MOCOS: variants seen among roughly 807,000 people sequenced by gnomAD.
MOCOS encodes human molybdenum cofactor sulfurase.
A neutral mutation model predicts 83.6 loss-of-function variants in MOCOS; 86 were observed. The ratio of observed to expected loss-of-function variants is 1.03; its 90% CI spans 0.86 to 1.23. The LOEUF (loss-of-function observed/expected upper bound fraction) is 1.23, where lower values mean the gene tolerates loss of function less well. MOCOS is among the 50% of genes most tolerant of loss of function. MOCOS has a pLI of 0.00. For synonymous variants in MOCOS, 445 were observed against 434.7 expected, an observed-to-expected ratio of 1.02 and a Z score of -0.29; for missense variants, 1,120 against 1,126.9, an observed-to-expected ratio of 0.99 and a Z score of 0.09.
intron 7 of MOCOS, 31 bp downstream of exon 7, chr18:36,213,513 G>C: frequency 6.3e-7 from 1 of 1,576,200 alleles, no homozygotes; most frequent in East Asian, 2.2e-5. Flanking sequence ...TCCAGACGCT[G>C]GTCAGCGAGA....
chr18:36,233,110 T>A (rs764529294), intron 9 of MOCOS, among the ~76,000 whole-genome samples: 3 of 152,158 alleles, frequency 2.0e-5, no homozygotes, highest in Non-Finnish European at 4.4e-5. Context: ...TCTGAGATTT[T>A]GGTGTACTCA....
At chr18:36,261,898 G>T (rs1244354542) in intron 13 of MOCOS, among the ~76,000 whole-genome samples, 2 of 152,088 alleles carry the variant, frequency 1.3e-5, no homozygotes, top group Non-Finnish European at 2.9e-5. Context: ...AATAGGTGGA[G>T]AGTGAGAGGA....
chr18:36,226,891 T>TC (rs1185920336), intron 9 of MOCOS, among the ~76,000 whole-genome samples: 1 of 149,632 alleles, frequency 6.7e-6, no homozygotes, highest in African/African-American at 2.4e-5. Flanking sequence ...TGTGTATCTT[T>TC]TTTTTTTTTT....
chr18:36,225,566 T>G (rs1433230038), intron 9 of MOCOS, among the ~76,000 whole-genome samples: 3 of 152,194 alleles, frequency 2.0e-5, no homozygotes, highest in African/African-American at 7.2e-5. Context: ...TTGCAATCTT[T>G]GTTGTTTCAT....
rs773909706 is a variant in MOCOS at position 36,215,875 on chromosome 18, G to A, written c.1695G>A (p.Pro565=). The A allele has an allele frequency of 4.4e-5, 71 of 1,614,188 alleles. No homozygotes were observed. Among genetic ancestry groups the A allele is most frequent in the Admixed American group, 2.3e-4 (14 of 60,032 alleles). ...PPVCDVARTQ[P]TPSEKAAGVL... ...TGTGTGATGTCGCCAGAACCCAGCC[G>A]ACTCCTTCAGAGAAAGCTGCAGGAG... is the stretch of plus-strand genomic sequence containing the variant. Residue 565 remains proline, a synonymous_variant, in exon 8 of 15, where the codon CCG becomes CCA. Coordinates refer to ENST00000261326, the MANE Select transcript of MOCOS (RefSeq NM_017947.4).
Position 36,215,663 on chromosome 18 carries a change from G to T in MOCOS, c.1483G>T (p.Asp495Tyr), listed in dbSNP as rs8088347. 1.2e-5 allele frequency: 19 copies of T among 1,614,032 alleles called. No homozygotes were observed. The South Asian group carries it at 1.9e-4, about 16-fold the overall frequency. The change falls in exon 8 of 15, where the codon GAC becomes TAC. Residue 495 changes from aspartate to tyrosine, a missense_variant. Asp to Tyr is a radical substitution (Grantham distance 160, BLOSUM62 -3). Transcript: ENST00000261326. ...IIDTRLHSSG[D>Y]WPVPQAHADT... ...AGACACTCGCCTGCACTCATCAGGG[G>T]ACTGGCCTGTCCCTCAGGCCCATGC...
At chr18:36,249,944 T>G (rs2091615866) in intron 10 of MOCOS, among the ~76,000 whole-genome samples, 1 of 152,206 alleles carries the variant, frequency 6.6e-6, no homozygotes, top group Non-Finnish European at 1.5e-5. Context: ...TTCTAGGAAA[T>G]GTAAAGTGGG....
intron 4 of MOCOS, among the ~76,000 whole-genome samples, chr18:36,200,595 G>C (rs2091409799): frequency 6.6e-6 from 1 of 152,204 alleles, no homozygotes; most frequent in Admixed American, 6.5e-5. Flanking sequence ...GCACACAGGA[G>C]AGATAAAAGG....
rs201251931 is a variant in MOCOS, at chr18:36,200,035, G to A, written c.652G>A (p.Glu218Lys). ...CAGATACCCCCTGTCCTGGATAGAA[G>A]AGGTCAAGTCTGGGCGGTTGCACCC... ...GVRYPLSWIEEVKSGRLHPVS... is the reference protein window; with the variant it reads ...GVRYPLSWIEKVKSGRLHPVS... The change falls in exon 4 of 15, where the codon GAG (glutamate) becomes AAG (lysine). Residue 218 changes from glutamate (E) to lysine (K), a missense_variant. By Grantham distance (56) the Glu-to-Lys change is moderately conservative (BLOSUM62 1). Coordinates refer to ENST00000261326, the MANE Select transcript of MOCOS (RefSeq NM_017947.4). The A allele has an allele frequency of 8.1e-6, 13 of 1,614,240 alleles. No homozygotes were observed. In the East Asian group the frequency reaches 2.0e-4, roughly 25 times the overall value.
chr18:36,200,922 T>C (rs557751846), intron 4 of MOCOS, among the ~76,000 whole-genome samples: 1 of 152,332 alleles, frequency 6.6e-6, no homozygotes, highest in East Asian at 1.9e-4. Flanking sequence ...GGTTGTCACT[T>C]GCCCTCAAAT....
At chr18:36,202,200 T>G (rs1165527147) in intron 4 of MOCOS, among the ~76,000 whole-genome samples, 1 of 152,242 alleles carries the variant, frequency 6.6e-6, no homozygotes, top group African/African-American at 2.4e-5. Flanking sequence ...CTTGACTATG[T>G]TCTCAACTTT....
Position 36,187,599 on chromosome 18 carries a change from C to G in MOCOS, c.60C>G (p.Asp20Glu). The G allele has an allele frequency of 1.6e-6, 2 of 1,248,568 alleles. No homozygotes were observed. The highest frequency in any genetic ancestry group is 1.5e-5 in the African/African-American group (1 of 65,020). The allele number at this position is 1,248,568 out of a possible 1,614,324, so 77.3% of individuals were successfully genotyped here. The change falls in exon 1 of 15, where the codon GAC becomes GAG. Residue 20 changes from aspartate (D) to glutamate (E), a missense_variant. Physicochemically the swap from Asp to Glu is conservative, Grantham distance 45 (BLOSUM62 2). Coordinates refer to ENST00000261326, the MANE Select transcript of MOCOS (RefSeq NM_017947.4). ...RELWTFAGSRDPSAPRLAYGY... is the reference protein window; with the variant it reads ...RELWTFAGSREPSAPRLAYGY... ...TGTGGACCTTCGCGGGTTCCCGGGA[C>G]CCGAGCGCACCGCGGCTAGCCTACG...
chr18:36,257,033 ACAT>A lies in MOCOS; in HGVS notation c.2232_2234del (p.Ser746del). ...TGAGGCACAGTATCTGCTGATCAAC[ACAT>A]CCAGTATTTTGGAACTTCACCGGCA... is the stretch of plus-strand genomic sequence containing the variant. On this transcript the variant is annotated inframe_deletion, in exon 12 of 15. Transcript: ENST00000261326. The A allele has an allele frequency of 6.2e-7, 1 of 1,614,124 alleles. No individual in the cohort carries two copies. The highest frequency in any genetic ancestry group is 8.5e-7 in the Non-Finnish European group (1 of 1,179,990).
At chr18:36,195,196 T>C (rs2091382236) in intron 1 of MOCOS, 61 bp from the exon 2 acceptor site, 9 of 1,412,502 alleles carry the variant, frequency 6.4e-6, no homozygotes, top group Non-Finnish European at 9.0e-6. Context: ...ATGACATTGG[T>C]TGGGCTTACA....
chr18:36,259,448 C>CAAAA lies in MOCOS; in HGVS notation c.2271-574_2271-571dup, dbSNP rs397858504. On this transcript the variant is annotated intron_variant, in intron 12 of 14. Coordinates refer to ENST00000261326, the MANE Select transcript of MOCOS (RefSeq NM_017947.4). ...TGGGTGACAGAGCAAGACCTTGTCT[C>CAAAA]AAAAAAAAAAAAAAAAAAGGTATCA... Among the ~76,000 whole-genome samples the CAAAA allele has an allele frequency of 2.8e-3, 263 of 92,420 alleles. 3 individuals carry two copies. Among genetic ancestry groups the CAAAA allele is most frequent in the African/African-American group, 7.9e-3 (182 of 22,904 alleles). The allele number at this position is 92,420 out of a possible 152,430, so 60.6% of individuals were successfully genotyped here.
intron 5 of MOCOS, 119 bp downstream of exon 5, chr18:36,203,308 T>A: frequency 1.1e-6 from 1 of 933,316 alleles, no homozygotes; most frequent in Non-Finnish European, 1.7e-6. Context: ...GCACTCCATG[T>A]AGTTAAATTT....
chr18:36,224,755 A>G (rs2091509112), intron 9 of MOCOS, among the ~76,000 whole-genome samples: 1 of 152,210 alleles, frequency 6.6e-6, no homozygotes, highest in Admixed American at 6.5e-5. Context: ...CTTTAGTATC[A>G]AGATAATGCT....
intron 6 of MOCOS, among the ~76,000 whole-genome samples, chr18:36,205,520 A>G (rs1380944972): frequency 6.6e-6 from 1 of 152,208 alleles, no homozygotes; most frequent in Non-Finnish European, 1.5e-5. Flanking sequence ...GGTCTTTGCC[A>G]TAGTAGAATA....
chr18:36,249,878 C>T (rs1248549221), intron 10 of MOCOS, among the ~76,000 whole-genome samples: 1 of 152,094 alleles, frequency 6.6e-6, no homozygotes, highest in Non-Finnish European at 1.5e-5. Context: ...AGATTATATA[C>T]CCATATTATG....
Sources: allele counts gnomAD v4.1 joint callset (sites outside exome capture counted in the v4.1 genomes callset), GRCh38; gene constraint gnomAD v4.1.1; transcripts MANE v1.5; gene names NCBI Gene and HGNC (gene_info 2026-07-23, HGNC 2026-07-21).